RNF180: variants seen among roughly 807,000 people sequenced by gnomAD.
RNF180 encodes E3 ubiquitin-protein ligase RNF180.
RNF180 carries 38 observed loss-of-function variants against 59.2 expected under a neutral mutation model. The observed-to-expected ratio is 0.64, with a 90% confidence interval of 0.50 to 0.84. The LOEUF is 0.84. RNF180 is among the 40% of genes least tolerant of loss of function. The pLI, the probability that RNF180 is intolerant of heterozygous loss-of-function variation, is 0.00. For synonymous variants in RNF180, 262 were observed against 240.3 expected (o/e 1.09, Z -0.84); for missense variants, 705 against 700.9 (o/e 1.01, Z -0.07).
chr5:64,226,691 G>T (rs528008961), intron 5 of RNF180, among the ~76,000 whole-genome samples: 2 of 151,696 alleles, frequency 1.3e-5, no homozygotes, highest in South Asian at 4.2e-4. Flanking sequence ...AAAAATTTTT[G>T]TTGTTTTAAG....
chr5:64,345,692 TG>T (rs1403677633), intron 7 of RNF180, among the ~76,000 whole-genome samples: 2 of 152,162 alleles, frequency 1.3e-5, no homozygotes, highest in Non-Finnish European at 2.9e-5. Context: ...TCATGACAGA[TG>T]TAAAAAGGAA....
At chr5:64,336,735 A>C (rs1708438411) in intron 7 of RNF180, among the ~76,000 whole-genome samples, 1 of 152,012 alleles carries the variant, frequency 6.6e-6, no homozygotes, top group African/African-American at 2.4e-5. Flanking sequence ...TACTTTGCTT[A>C]TTTTACTATG....
intron 5 of RNF180, among the ~76,000 whole-genome samples, chr5:64,281,956 A>C (rs1742033153): frequency 6.6e-6 from 1 of 152,170 alleles, no homozygotes; most frequent in Non-Finnish European, 1.5e-5. Flanking sequence ...GATAAAGCCT[A>C]CTTGATCATG....
At chr5:64,217,597 A>G (rs181441304) in intron 5 of RNF180, 236 of 769,882 alleles carry the variant, frequency 3.1e-4, no homozygotes, top group Non-Finnish European at 3.5e-4. Context: ...GCTTTTCCTT[A>G]AGGATGCTGA....
At position 64,293,339 on chromosome 5, in the gene RNF180, C is replaced by G. The variant is rs781268528; in HGVS notation, c.1228-31847C>G. 7.9e-5 allele frequency among the ~76,000 whole-genome samples: 12 copies of G among 152,168 alleles called. No individual in the cohort carries two copies. In the South Asian group the frequency reaches 8.3e-4, roughly 11 times the overall value. The stretch of plus-strand genomic sequence containing the variant: ...TCCAAATGCAAGAACCTGGATATTT[C>G]AGTTGAAGGTGAAGAATTCACTCGC... On this transcript the variant is annotated intron_variant, in intron 5 of 7. Coordinates refer to ENST00000389100, the MANE Select transcript of RNF180 (RefSeq NM_001113561.2).
chr5:64,327,786 A>T (rs970918913), intron 6 of RNF180, among the ~76,000 whole-genome samples: 1 of 152,174 alleles, frequency 6.6e-6, no homozygotes, highest in Non-Finnish European at 1.5e-5. Context: ...TGCTAAGTCC[A>T]TTGGGTCTGT....
intron 5 of RNF180, among the ~76,000 whole-genome samples, chr5:64,304,620 T>C (rs963586263): frequency 6.6e-6 from 1 of 151,658 alleles, no homozygotes; most frequent in Non-Finnish European, 1.5e-5. Flanking sequence ...AATCTCATGA[T>C]ACAATTTGAA....
chr5:64,327,003 T>C (rs1744675930), intron 6 of RNF180, among the ~76,000 whole-genome samples: 1 of 152,196 alleles, frequency 6.6e-6, no homozygotes, highest in Non-Finnish European at 1.5e-5. Context: ...GTATTTGGTT[T>C]TCTACTTCCT....
intron 5 of RNF180, among the ~76,000 whole-genome samples, chr5:64,315,254 G>A (rs1320930784): frequency 1.3e-5 from 2 of 152,164 alleles, no homozygotes; most frequent in Non-Finnish European, 2.9e-5. Flanking sequence ...TTGCTTGAAA[G>A]TTCAAATTTT....
In RNF180 at chr5:64,167,237, A is replaced by G. The variant is rs529629483; in HGVS notation, c.-1+1284A>G. Among the ~76,000 whole-genome samples the G allele has an allele frequency of 8.5e-4, 129 of 152,352 alleles. 2 individuals are homozygous for G. In the South Asian group the frequency reaches 0.02, roughly 23 times the overall value. Reference sequence around the variant, plus strand: ...GGAATATTTGAGTAAGTTTTTTCTCATAAAGAATCAAAAATTTAGGAGAAT... The same window carrying G: ...GGAATATTTGAGTAAGTTTTTTCTCGTAAAGAATCAAAAATTTAGGAGAAT... On this transcript the variant is annotated intron_variant, in intron 1 of 7. Coordinates refer to ENST00000389100, the MANE Select transcript of RNF180 (RefSeq NM_001113561.2).
chr5:64,180,589 T>C (rs1213511046), intron 1 of RNF180, among the ~76,000 whole-genome samples: 1 of 152,114 alleles, frequency 6.6e-6, no homozygotes, highest in Non-Finnish European at 1.5e-5. Context: ...CAGGAGGAAG[T>C]ACCTTAATTA....
intron 5 of RNF180, among the ~76,000 whole-genome samples, chr5:64,243,394 T>C (rs879329381): frequency 2.6e-5 from 4 of 152,132 alleles, no homozygotes; most frequent in Admixed American, 2.0e-4. Context: ...TCAAGCTTGG[T>C]CAGGGGAGGG....
intron 5 of RNF180, among the ~76,000 whole-genome samples, chr5:64,274,680 AT>A (rs1259586057): frequency 6.6e-6 from 1 of 151,948 alleles, no homozygotes; most frequent in Admixed American, 6.6e-5. Context: ...AATCGTGCAG[AT>A]TTGGAGTGCT....
At chr5:64,291,416 CTTTTTTTTTTTTT>C (rs1207692101) in intron 5 of RNF180, among the ~76,000 whole-genome samples, 1 of 71,794 alleles carries the variant, frequency 1.4e-5, no homozygotes, top group Non-Finnish European at 2.6e-5. Flanking sequence ...AGTATGTTTT[CTTTTTTTTTTTTT>C]TTTTTTTTTT....
At chr5:64,288,528 G>A (rs1410562231) in intron 5 of RNF180, among the ~76,000 whole-genome samples, 1 of 152,140 alleles carries the variant, frequency 6.6e-6, no homozygotes, top group Admixed American at 6.5e-5. Context: ...TATCCATGAG[G>A]ATGAAATGTT....
At chr5:64,212,591 A>G (rs552372459) in intron 3 of RNF180, among the ~76,000 whole-genome samples, 9 of 152,326 alleles carry the variant, frequency 5.9e-5, no homozygotes, top group African/African-American at 2.2e-4. Flanking sequence ...AATAAATGGA[A>G]TATTCTGTAT....
intron 5 of RNF180, among the ~76,000 whole-genome samples, chr5:64,252,802 G>A (rs1743667528): frequency 6.6e-6 from 1 of 152,080 alleles, no homozygotes; most frequent in East Asian, 1.9e-4. Flanking sequence ...TGGAACACAG[G>A]TTTTAGTAGT....
chr5:64,274,690 C>T (rs535126774), intron 5 of RNF180, among the ~76,000 whole-genome samples: 81 of 152,090 alleles, frequency 5.3e-4, no homozygotes, highest in African/African-American at 1.9e-3. Flanking sequence ...ATTTGGAGTG[C>T]TAGTTCTCCT....
At chr5:64,305,521 T>A (rs1233172599) in intron 5 of RNF180, among the ~76,000 whole-genome samples, 2 of 151,556 alleles carry the variant, frequency 1.3e-5, no homozygotes, top group East Asian at 3.9e-4. Flanking sequence ...GTCTGCCAGT[T>A]TACTACAGGT....
Sources: gnomAD v4.1 joint callset for allele counts (sites outside exome capture counted in the v4.1 genomes callset) on GRCh38, gnomAD v4.1.1 for gene constraint, MANE v1.5 for transcripts, NCBI Gene and HGNC (gene_info 2026-07-23, HGNC 2026-07-21) for gene names.